KBTBD8: variants seen among roughly 807,000 people sequenced by gnomAD.
The protein encoded by KBTBD8 is kelch repeat and BTB domain-containing protein 8.
KBTBD8 carries 31 observed loss-of-function variants against 53.5 expected under a neutral mutation model. The observed-to-expected ratio is 0.58, with a 90% CI of 0.44 to 0.78. The LOEUF (loss-of-function observed/expected upper bound fraction) is 0.78, where lower values mean the gene tolerates loss of function less well. Ranked by LOEUF, KBTBD8 falls within the 30% of genes least tolerant of loss-of-function variation. The probability of loss-of-function intolerance (pLI) is 0.00; values close to 1 mark genes in which losing one functional copy is unlikely to be tolerated. For missense variants in KBTBD8, 642 were observed against 735.8 expected, an observed-to-expected ratio of 0.87 and a Z score of 1.48; for synonymous variants, 250 against 247.3, an observed-to-expected ratio of 1.01 and a Z score of -0.10.
At chr3:67,001,934 A>G (rs1702021837) in intron 2 of KBTBD8, among the ~76,000 whole-genome samples, 1 of 152,216 alleles carries the variant, frequency 6.6e-6, no homozygotes, top group Non-Finnish European at 1.5e-5. Flanking sequence ...ATCTAGAATG[A>G]AACTTTAAAG....
At chr3:66,999,964 A>C (rs189596108) in intron 2 of KBTBD8, among the ~76,000 whole-genome samples, 4 of 152,362 alleles carry the variant, frequency 2.6e-5, no homozygotes, top group Admixed American at 2.0e-4. Flanking sequence ...TTCCTACTTT[A>C]AGATGAGTGG....
intron 2 of KBTBD8, 107 bp downstream of exon 2, chr3:66,999,298 A>G: frequency 1.1e-6 from 1 of 902,194 alleles, no homozygotes. Flanking sequence ...AAATGAAACC[A>G]ATGACTTTGT....
intron 2 of KBTBD8, among the ~76,000 whole-genome samples, chr3:67,001,501 G>C (rs910462976): frequency 3.9e-5 from 6 of 152,194 alleles, no homozygotes; most frequent in Non-Finnish European, 5.9e-5. Context: ...GACCACTCCT[G>C]TGTGTAAGAT....
In KBTBD8 at chr3:67,003,922, A is replaced by C; in HGVS notation, c.955A>C (p.Lys319Gln). 6.2e-7 allele frequency: 1 copy of C among 1,614,176 alleles called. No homozygotes were observed. Among genetic ancestry groups the C allele is most frequent in the Non-Finnish European group, 8.5e-7 (1 of 1,180,036 alleles). The change falls in exon 3 of 4, where the codon AAA (lysine) becomes CAA (glutamine). Residue 319 changes from lysine to glutamine, a missense_variant. Physicochemically the swap from Lys to Gln is moderately conservative, Grantham distance 53. Transcript: ENST00000417314. ...IVTGRVFKLCKPPNDLREVGI... is the reference protein window; with the variant it reads ...IVTGRVFKLCQPPNDLREVGI... Reference sequence around the variant, plus strand: ...CACAGGAAGGGTGTTTAAACTATGCAAACCACCAAATGACCTGAGAGAAGT... The same window carrying C: ...CACAGGAAGGGTGTTTAAACTATGCCAACCACCAAATGACCTGAGAGAAGT...
intron 1 of KBTBD8, 28 bp downstream of exon 1, chr3:66,998,399 T>C: frequency 8.3e-7 from 1 of 1,210,862 alleles, no homozygotes; most frequent in Non-Finnish European, 1.0e-6. Flanking sequence ...CAGGGCGGCG[T>C]GGAGGGAGGT....
rs147072216 is a variant in KBTBD8 at position 67,003,703 on chromosome 3, G to A, written c.736G>A (p.Glu246Lys). ...FAKCIRFPLMEDTFIEKIPPQ... is the reference protein window; with the variant it reads ...FAKCIRFPLMKDTFIEKIPPQ... ...TAAATGCATACGTTTTCCTCTGATG[G>A]AAGATACCTTTATAGAGAAAATTCC... is the stretch of plus-strand genomic sequence containing the variant. Residue 246 changes from glutamate to lysine, a missense_variant, in exon 3 of 4, where the codon GAA (glutamate) becomes AAA (lysine). Physicochemically the swap from Glu to Lys is moderately conservative, Grantham distance 56 (BLOSUM62 1). Transcript: ENST00000417314. 149 of 1,614,022 alleles carry A rather than the reference G, an allele frequency of 9.2e-5. No homozygotes were observed. The highest frequency in any genetic ancestry group is 1.2e-4 in the Non-Finnish European group (142 of 1,180,030).
intron 2 of KBTBD8, among the ~76,000 whole-genome samples, chr3:67,000,895 A>G (rs1702013455): frequency 2.0e-5 from 3 of 151,930 alleles, no homozygotes. Flanking sequence ...TATACATATT[A>G]AGTATACTTA....
chr3:67,007,946 C>T lies in KBTBD8; in HGVS notation c.1367C>T (p.Pro456Leu). Residue 456 changes from proline (P) to leucine (L), a missense_variant, in exon 4 of 4, where the codon CCT (proline) becomes CTT (leucine). Coordinates refer to ENST00000417314, the MANE Select transcript of KBTBD8 (RefSeq NM_032505.3). ...GGAGAATTTTTTCTCTTCTATGAGC[C>T]TCAAAAAGACTACTGGGGTTTCTTA... Reference protein sequence around the residue: ...LQGEFFLFYEPQKDYWGFLTP... With the variant: ...LQGEFFLFYELQKDYWGFLTP... 6.4e-7 allele frequency: 1 copy of T among 1,559,840 alleles called. No homozygotes were observed. The highest frequency in any genetic ancestry group is 8.6e-7 in the Non-Finnish European group (1 of 1,157,194).
At chr3:67,006,580 G>A (rs557601501) in intron 3 of KBTBD8, among the ~76,000 whole-genome samples, 46 of 152,298 alleles carry the variant, frequency 3.0e-4, no homozygotes, top group African/African-American at 1.0e-3. Context: ...TAGGCAATAA[G>A]GGCAGATGAT....
intron 2 of KBTBD8, among the ~76,000 whole-genome samples, chr3:67,000,973 G>T (rs1313955295): frequency 1.1e-4 from 16 of 151,844 alleles, no homozygotes; most frequent in Admixed American, 3.9e-4. Context: ...TCACCTTGCA[G>T]TTTCATTTTT....
rs1239804457 is a variant in KBTBD8 at position 67,007,968 on chromosome 3, C to G, written c.1389C>G (p.Phe463Leu). ...FYEPQKDYWG[F>L]LTPMTVPRIQ... ...AGCCTCAAAAAGACTACTGGGGTTTCTTAACCCCCATGACTGTGCCTAGAA... is the reference window on the plus strand; with the variant it reads ...AGCCTCAAAAAGACTACTGGGGTTTGTTAACCCCCATGACTGTGCCTAGAA... The change falls in exon 4 of 4, where the codon TTC becomes TTG. Residue 463 changes from phenylalanine (F) to leucine (L), a missense_variant. Physicochemically the swap from Phe to Leu is conservative, Grantham distance 22. Coordinates refer to ENST00000417314, the MANE Select transcript of KBTBD8 (RefSeq NM_032505.3). 6.3e-7 allele frequency: 1 copy of G among 1,598,558 alleles called. No individual in the cohort carries two copies. The highest frequency in any genetic ancestry group is 2.2e-5 in the East Asian group (1 of 44,498).
chr3:67,006,722 C>G (rs1228432244), intron 3 of KBTBD8, among the ~76,000 whole-genome samples: 1 of 152,124 alleles, frequency 6.6e-6, no homozygotes, highest in Non-Finnish European at 1.5e-5. Flanking sequence ...AGGGGAAGCT[C>G]AATTTAGAAT....
chr3:67,004,477 T>C (rs562286708), intron 3 of KBTBD8, among the ~76,000 whole-genome samples, 168 bp downstream of exon 3: 1 of 152,270 alleles, frequency 6.6e-6, no homozygotes, highest in South Asian at 2.1e-4. Flanking sequence ...GAAAATAAAC[T>C]CTTGAATTAA....
chr3:67,006,844 TAA>T (rs750966196), intron 3 of KBTBD8, among the ~76,000 whole-genome samples: 151 of 152,374 alleles, frequency 9.9e-4, no homozygotes, highest in Non-Finnish European at 1.7e-3. Context: ...AATCTGTTCA[TAA>T]AGTGTTCAGA....
At chr3:67,005,023 T>C (rs1030389846) in intron 3 of KBTBD8, among the ~76,000 whole-genome samples, 17 of 152,230 alleles carry the variant, frequency 1.1e-4, no homozygotes, top group Non-Finnish European at 1.8e-4. Context: ...TGTTTGTTTT[T>C]TTAACTGTTA....
intron 3 of KBTBD8, 31 bp from the exon 4 acceptor site, chr3:67,007,891 C>A: frequency 7.7e-7 from 1 of 1,295,876 alleles, no homozygotes; most frequent in Non-Finnish European, 1.1e-6. Context: ...TAAAAATTTA[C>A]ATATTCTTGT....
Position 67,008,337 on chromosome 3 carries a change from A to G in KBTBD8, c.1758A>G (p.Glu586=). ...DRLWDLGRHF[E]CAVAKLYPQC... is the part of the protein sequence containing the mutation. Reference sequence around the variant, plus strand: ...TCTGGGACCTTGGCCGGCATTTTGAATGTGCTGTTGCTAAACTGTATCCTC... The same window carrying G: ...TCTGGGACCTTGGCCGGCATTTTGAGTGTGCTGTTGCTAAACTGTATCCTC... The change falls in exon 4 of 4, where the codon GAA becomes GAG. Residue 586 remains glutamate, a synonymous_variant. Transcript: ENST00000417314. The G allele has an allele frequency of 6.2e-7, 1 of 1,613,492 alleles. No homozygotes were observed. Among genetic ancestry groups the G allele is most frequent in the Middle Eastern group, 1.7e-4 (1 of 6,058 alleles).
chr3:67,006,644 G>C (rs1015874714), intron 3 of KBTBD8, among the ~76,000 whole-genome samples: 1 of 152,226 alleles, frequency 6.6e-6, no homozygotes, highest in Non-Finnish European at 1.5e-5. Context: ...TGAAGGCAAA[G>C]CATCACTGTT....
At chr3:67,006,540 A>G (rs1702065348) in intron 3 of KBTBD8, among the ~76,000 whole-genome samples, 1 of 152,200 alleles carries the variant, frequency 6.6e-6, no homozygotes, top group Admixed American at 6.5e-5. Context: ...TAAATTTCCT[A>G]CCTTATTTAT....
Sources: allele counts gnomAD v4.1 joint callset (sites outside exome capture counted in the v4.1 genomes callset), GRCh38; gene constraint gnomAD v4.1.1; transcripts MANE v1.5; gene names NCBI Gene and HGNC (gene_info 2026-07-23, HGNC 2026-07-21).